Variants in STAG1 observed in about 807,000 individuals in gnomAD.
STAG1 encodes the protein cohesin subunit SA-1.
A neutral mutation model predicts 170.9 loss-of-function variants in STAG1; 26 were observed. The observed-to-expected ratio is 0.15, with a 90% CI of 0.11 to 0.21. The LOEUF (loss-of-function observed/expected upper bound fraction) is 0.21, where lower values mean the gene tolerates loss of function less well. Ranked by LOEUF, STAG1 falls within the 10% of genes least tolerant of loss-of-function variation. STAG1 has a pLI of 1.00. For missense variants in STAG1, 964 were observed against 1,509.5 expected (o/e 0.64, Z 5.99); for synonymous variants, 514 against 497.7 (o/e 1.03, Z -0.44).
chr3:136,378,836 G>A (rs953538840), intron 22 of STAG1, among the ~76,000 whole-genome samples: 1 of 152,136 alleles, frequency 6.6e-6, no homozygotes, highest in African/African-American at 2.4e-5. Flanking sequence ...ACTGACTAAT[G>A]AGTAAGACAC....
intron 3 of STAG1, among the ~76,000 whole-genome samples, chr3:136,607,647 C>T (rs1354628293): frequency 6.6e-6 from 1 of 152,208 alleles, no homozygotes; most frequent in Non-Finnish European, 1.5e-5. Flanking sequence ...AAGTGATCCA[C>T]CCACCTCGGT....
chr3:136,725,250 A>G (rs1253231565), intron 1 of STAG1, among the ~76,000 whole-genome samples: 5 of 151,886 alleles, frequency 3.3e-5, no homozygotes, highest in Non-Finnish European at 7.4e-5. Context: ...ACTCTTCAGT[A>G]GGCAAGAACT....
At chr3:136,477,948 C>A (rs1482783885) in intron 9 of STAG1, among the ~76,000 whole-genome samples, 7 of 152,032 alleles carry the variant, frequency 4.6e-5, no homozygotes, top group Non-Finnish European at 1.0e-4. Context: ...AGCCACCACA[C>A]CTGAGTAATT....
chr3:136,621,751 GACTTA>G (rs533330074), intron 3 of STAG1, among the ~76,000 whole-genome samples: 53 of 152,086 alleles, frequency 3.5e-4, no homozygotes, highest in South Asian at 1.2e-3. Context: ...AGGGAAAAAT[GACTTA>G]ACTTATCAAA....
At chr3:136,611,205 A>G (rs1042826077) in intron 3 of STAG1, among the ~76,000 whole-genome samples, 26 of 152,098 alleles carry the variant, frequency 1.7e-4, no homozygotes, top group African/African-American at 5.8e-4. Flanking sequence ...GCTGGATTGC[A>G]ACGGCACAAT....
chr3:136,656,313 TC>T (rs887508419), intron 1 of STAG1, among the ~76,000 whole-genome samples: 2 of 152,076 alleles, frequency 1.3e-5, no homozygotes, highest in African/African-American at 4.8e-5. Flanking sequence ...GTATAGAGTT[TC>T]CAGTTTGCAA....
chr3:136,578,428 C>A (rs1356101103), intron 4 of STAG1, among the ~76,000 whole-genome samples: 1 of 152,154 alleles, frequency 6.6e-6, no homozygotes, highest in Non-Finnish European at 1.5e-5. Flanking sequence ...AAACTTTAGG[C>A]CTGGTAGGCA....
chr3:136,738,605 C>T (rs749143801), intron 1 of STAG1, among the ~76,000 whole-genome samples: 22 of 152,122 alleles, frequency 1.4e-4, no homozygotes, highest in Non-Finnish European at 3.2e-4. Context: ...GAGCCGAGAT[C>T]GATCGTACCA....
In STAG1 at chr3:136,555,796, C is replaced by G. The variant is rs181751149; in HGVS notation, c.394+12969G>C. ...AACAAAAATCTTCAGGGTCCAGATG[C>G]CTTGAATTCTACCAAACATTCTGGA... On this transcript the variant is annotated intron_variant, in intron 5 of 33. Coordinates refer to ENST00000383202, the MANE Select transcript of STAG1 (RefSeq NM_005862.3). Among the ~76,000 whole-genome samples the G allele has an allele frequency of 7.0e-4, 106 of 151,656 alleles. No homozygotes were observed. In the Middle Eastern group the frequency reaches 0.017, roughly 25 times the overall value.
intron 1 of STAG1, among the ~76,000 whole-genome samples, chr3:136,674,181 GGGAGGGAGGGAA>G (rs1206533341): frequency 0.011 from 1,329 of 123,582 alleles, 51 homozygotes; most frequent in African/African-American, 0.04. Context: ...GAAGGAGGGA[GGGAGGGAGGGAA>G]GGAGGGAAGG....
chr3:136,391,664 C>G (rs698269), intron 22 of STAG1, among the ~76,000 whole-genome samples: 55,589 of 152,188 alleles, frequency 0.37, 12,597 homozygotes, highest in East Asian at 0.8. Flanking sequence ...CGTAAGCCAC[C>G]ATGCCCGGCC....
chr3:136,600,146 GCAAACTACTA>G (rs1938601256), intron 4 of STAG1, among the ~76,000 whole-genome samples: 2 of 152,136 alleles, frequency 1.3e-5, no homozygotes, highest in Non-Finnish European at 2.9e-5. Flanking sequence ...AAATAGCCAT[GCAAACTACTA>G]CCCTTCTGAA....
At chr3:136,699,724 T>A (rs1174855471) in intron 1 of STAG1, among the ~76,000 whole-genome samples, 1 of 151,956 alleles carries the variant, frequency 6.6e-6, no homozygotes, top group Non-Finnish European at 1.5e-5. Context: ...AGCTAAGCTA[T>A]CAGGACACAT....
At chr3:136,375,153 T>C (rs775234965) in intron 23 of STAG1, among the ~76,000 whole-genome samples, 1 of 152,256 alleles carries the variant, frequency 6.6e-6, no homozygotes, top group Non-Finnish European at 1.5e-5. Context: ...TCTCACAATG[T>C]ATCCTTGTTG....
intron 28 of STAG1, among the ~76,000 whole-genome samples, chr3:136,354,270 A>G (rs1936543024): frequency 6.6e-6 from 1 of 152,222 alleles, no homozygotes; most frequent in South Asian, 2.1e-4. Flanking sequence ...GTATTTCCTT[A>G]GAATAAATCA....
chr3:136,585,300 G>A (rs938671881), intron 4 of STAG1, among the ~76,000 whole-genome samples: 1 of 152,128 alleles, frequency 6.6e-6, no homozygotes, highest in African/African-American at 2.4e-5. Flanking sequence ...AAATTAGCCA[G>A]GTATGGTGGT....
chr3:136,380,645 T>C (rs1296520084), intron 22 of STAG1, among the ~76,000 whole-genome samples: 1 of 151,968 alleles, frequency 6.6e-6, no homozygotes, highest in Non-Finnish European at 1.5e-5. Flanking sequence ...AGCAATCGGG[T>C]AGAGCCTGTT....
Position 136,540,822 on chromosome 3 carries a change from CAAAAAAAAAAAAAAAAA to C in STAG1, c.471+1280_471+1296del, listed in dbSNP as rs554338920. On this transcript the variant is annotated intron_variant, in intron 6 of 33. Transcript: ENST00000383202. ...GGGCGACAGAGTGAAACTGTGTCTC[CAAAAAAAAAAAAAAAAA>C]AAAAAAAAAAAAACCTATATATTTA... Among the ~76,000 whole-genome samples, 8 of 46,276 alleles carry C rather than the reference CAAAAAAAAAAAAAAAAA, an allele frequency of 1.7e-4. 1 individual carries two copies. In the Admixed American group the frequency reaches 2.1e-3, roughly 12 times the overall value. The allele number at this position is 46,276 out of a possible 152,430, so 30.4% of individuals were successfully genotyped here. A position where few individuals can be genotyped will look rare whatever the true frequency, so the allele number is the denominator to read the frequency against.
intron 22 of STAG1, among the ~76,000 whole-genome samples, chr3:136,395,202 G>A (rs959337754): frequency 6.6e-6 from 1 of 152,156 alleles, no homozygotes; most frequent in Non-Finnish European, 1.5e-5. Flanking sequence ...AGGAGAATGT[G>A]TCAGACAAAA....
Sources: allele counts gnomAD v4.1 joint callset (sites outside exome capture counted in the v4.1 genomes callset), GRCh38; gene constraint gnomAD v4.1.1; transcripts MANE v1.5; gene names NCBI Gene and HGNC (gene_info 2026-07-23, HGNC 2026-07-21).